Variants in METTL13 observed in about 807,000 individuals in gnomAD.
The protein encoded by METTL13 is methyltransferase 13, eEF1A N-terminus and K55.
METTL13 carries 52 observed loss-of-function variants against 67.4 expected under a neutral mutation model. The ratio of observed to expected loss-of-function variants is 0.77; its 90% CI spans 0.62 to 0.97. The LOEUF (loss-of-function observed/expected upper bound fraction) is 0.97. Among genes scored for constraint, METTL13 ranks in the 50% least tolerant of loss-of-function variants. The pLI, the probability that METTL13 is intolerant of heterozygous loss-of-function variation, is 0.00. For synonymous variants in METTL13, 354 were observed against 353.6 expected, an observed-to-expected ratio of 1.00 and a Z score of -0.01; for missense variants, 825 against 889.6, an observed-to-expected ratio of 0.93 and a Z score of 0.92.
At position 171,796,476 on chromosome 1, in the gene METTL13, C is replaced by T; in HGVS notation, c.1826-6C>T. ...GGTCATTCTGACTTTTCTTCCTACC[C>T]TATAGGTGTTTTTATTCTCAACCTT... On this transcript the variant is annotated splice_region_variant and splice_polypyrimidine_tract_variant and intron_variant, in intron 7 of 7. Coordinates refer to ENST00000361735, the MANE Select transcript of METTL13 (RefSeq NM_015935.5). 1 of 1,614,070 alleles carries T rather than the reference C, an allele frequency of 6.2e-7. No individual in the cohort carries two copies. Among genetic ancestry groups the T allele is most frequent in the Non-Finnish European group, 8.5e-7 (1 of 1,179,980 alleles).
intron 5 of METTL13, among the ~76,000 whole-genome samples, chr1:171,791,696 T>C (rs1296129958): frequency 6.6e-6 from 1 of 152,086 alleles, no homozygotes; most frequent in East Asian, 1.9e-4. Context: ...ACTCCTGAGC[T>C]CAAGTAATCT....
At chr1:171,787,096 C>G (rs768927095) in intron 3 of METTL13, among the ~76,000 whole-genome samples, 6 of 152,092 alleles carry the variant, frequency 3.9e-5, no homozygotes, top group Non-Finnish European at 8.8e-5. Context: ...CCCAGATCCT[C>G]TGAGGAGCTT....
rs750837677 is a variant in METTL13, at chr1:171,784,406, G to T, written c.820G>T (p.Asp274Tyr). The part of the protein sequence containing the change: ...RLGSVSLDLC[D>Y]GDTGEPRYTL... ...GGGGAGTGTGTCTCTGGACTTGTGC[G>T]ATGGGGACACGGGGGAGCCACGCTA... is the stretch of plus-strand genomic sequence containing the variant. The change falls in exon 2 of 8, where the codon GAT becomes TAT. Residue 274 changes from aspartate to tyrosine, a missense_variant. Coordinates refer to ENST00000361735, the MANE Select transcript of METTL13 (RefSeq NM_015935.5). 6.3e-5 allele frequency: 98 copies of T among 1,554,234 alleles called. No homozygotes were observed. The highest frequency in any genetic ancestry group is 7.9e-5 in the Non-Finnish European group (91 of 1,151,290).
In METTL13 at chr1:171,792,136, G is replaced by GTGGTT; in HGVS notation, c.1597_1598insTTTGG (p.Ala533ValfsTer15). 6.2e-7 allele frequency: 1 copy of GTGGTT among 1,614,104 alleles called. No homozygotes were observed. The highest frequency in any genetic ancestry group is 1.1e-5 in the South Asian group (1 of 91,074). On this transcript the variant is annotated frameshift_variant, in exon 6 of 8. Transcript: ENST00000361735. LOFTEE classifies it high-confidence loss of function. The stretch of plus-strand genomic sequence containing the variant: ...GGAGATCGATCCCTCCATGTTGGAA[G>GTGGTT]TGGCCACCCAGTGGTTTGGCTTCTC...
At position 171,796,905 on chromosome 1, in the gene METTL13, T is replaced by A; in HGVS notation, c.*149T>A. ...ACATGTGACCTCCAGCTTGGTGAGG[T>A]TGCCTGAAGATTAGGGAAAATAAAA... On this transcript the variant is annotated 3_prime_UTR_variant, in exon 8 of 8. Coordinates refer to ENST00000361735, the MANE Select transcript of METTL13 (RefSeq NM_015935.5). The A allele has an allele frequency of 2.0e-6, 2 of 1,024,916 alleles. No homozygotes were observed. Among genetic ancestry groups the A allele is most frequent in the Non-Finnish European group, 2.8e-6 (2 of 717,726 alleles). 63.5% of individuals were successfully genotyped at this position (1,024,916 alleles called of 1,614,324 possible).
In METTL13 at chr1:171,792,000, C is replaced by G. The variant is rs1463011414; in HGVS notation, c.1475-17C>G. 6.2e-7 allele frequency: 1 copy of G among 1,611,862 alleles called. No individual in the cohort carries two copies. Among genetic ancestry groups the G allele is most frequent in the African/African-American group, 1.3e-5 (1 of 74,852 alleles). On this transcript the variant is annotated splice_polypyrimidine_tract_variant and intron_variant, in intron 5 of 7. Coordinates refer to ENST00000361735, the MANE Select transcript of METTL13 (RefSeq NM_015935.5). ...AGTGAACAGGTGGCAATGTGATGCT[C>G]TATTCTTTTCTTACAGAGATCCCAC...
Position 171,784,405 on chromosome 1 carries a change from C to A in METTL13, c.819C>A (p.Cys273Ter). ...TGGGGAGTGTGTCTCTGGACTTGTG[C>A]GATGGGGACACGGGGGAGCCACGCT... ...ARLGSVSLDL[C>*]DGDTGEPRYT... Residue 273 changes from cysteine (C) to a stop codon, truncating the protein, a stop_gained, in exon 2 of 8, where the codon TGC becomes TGA. Coordinates refer to ENST00000361735, the MANE Select transcript of METTL13 (RefSeq NM_015935.5). LOFTEE classifies it high-confidence loss of function. 6.4e-7 allele frequency: 1 copy of A among 1,554,032 alleles called. No individual in the cohort carries two copies. The highest frequency in any genetic ancestry group is 1.9e-5 in the Admixed American group (1 of 52,268).
At chr1:171,789,849 A>AGGG (rs369251334) in intron 4 of METTL13, among the ~76,000 whole-genome samples, 25 of 108,668 alleles carry the variant, frequency 2.3e-4, no homozygotes, top group South Asian at 2.9e-4. Context: ...GGGGCGGGGT[A>AGGG]GGGGGGGCAC....
chr1:171,782,958 G>A (rs573618498), intron 1 of METTL13, among the ~76,000 whole-genome samples: 1 of 152,122 alleles, frequency 6.6e-6, no homozygotes, highest in Non-Finnish European at 1.5e-5. Context: ...CTTATGTTGG[G>A]TGCTGTGTAT....
chr1:171,793,128 C>G (rs1657261444), intron 6 of METTL13, among the ~76,000 whole-genome samples: 1 of 152,194 alleles, frequency 6.6e-6, no homozygotes. Flanking sequence ...CATTCCATAA[C>G]AGATACTCTG....
At position 171,782,087 on chromosome 1, in the gene METTL13, G is replaced by C. The variant is rs144116274; in HGVS notation, c.120G>C (p.Gly40=). ...ATGGAACCTACCTGGAACTGTGCGGGGTGCTACATAAATATATCAAGCCCA... is the reference window on the plus strand; with the variant it reads ...ATGGAACCTACCTGGAACTGTGCGGCGTGCTACATAAATATATCAAGCCCA... ...EWYGTYLELC[G]VLHKYIKPRE... The change falls in exon 1 of 8, where the codon GGG becomes GGC. Residue 40 remains glycine, a synonymous_variant. Transcript: ENST00000361735. 6.7e-5 allele frequency: 108 copies of C among 1,614,080 alleles called. No individual in the cohort carries two copies. The Middle Eastern group carries it at 2.1e-3, about 32-fold the overall frequency.
rs732305 is a variant in METTL13, at chr1:171,785,659, G to A, written c.914-220G>A. Among the ~76,000 whole-genome samples the A allele has an allele frequency of 0.49, 74,362 of 152,002 alleles. 18,531 individuals are homozygous for A. Among genetic ancestry groups the A allele is most frequent in the East Asian group, 0.64 (3,302 of 5,170 alleles). ...GTAGGTGTCTGCCTCCTTCCCCTAC[G>A]GACATGCCCACACTTCTTCTCCACC... is the stretch of plus-strand genomic sequence containing the variant. On this transcript the variant is annotated intron_variant, in intron 2 of 7. Coordinates refer to ENST00000361735, the MANE Select transcript of METTL13 (RefSeq NM_015935.5).
chr1:171,786,116 A>T, intron 3 of METTL13, 38 bp downstream of exon 3: 1 of 1,579,818 alleles, frequency 6.3e-7, no homozygotes, highest in Non-Finnish European at 8.6e-7. Flanking sequence ...GGGTCTCTGA[A>T]GTCATGTTAG....
chr1:171,787,602 G>A, intron 3 of METTL13, 133 bp from the exon 4 acceptor site: 1 of 755,942 alleles, frequency 1.3e-6, no homozygotes, highest in Non-Finnish European at 2.1e-6. Flanking sequence ...TTAATAGAAT[G>A]GCAAATCTGT....
At chr1:171,790,268 G>A (rs936146059) in intron 4 of METTL13, among the ~76,000 whole-genome samples, 184 bp from the exon 5 acceptor site, 1 of 152,152 alleles carries the variant, frequency 6.6e-6, no homozygotes, top group Non-Finnish European at 1.5e-5. Flanking sequence ...ATTTGTAGGG[G>A]ACAAACATCC....
intron 6 of METTL13, 61 bp downstream of exon 6, chr1:171,792,296 C>T: frequency 1.3e-6 from 2 of 1,579,798 alleles, no homozygotes; most frequent in South Asian, 2.2e-5. Flanking sequence ...ATTGTCAGGC[C>T]CGCAAGGGCC....
chr1:171,787,336 A>T lies in METTL13; in HGVS notation c.1114-399A>T, dbSNP rs556549634. On this transcript the variant is annotated intron_variant, in intron 3 of 7. Coordinates refer to ENST00000361735, the MANE Select transcript of METTL13 (RefSeq NM_015935.5). ...TAGATTTGGAGTGGTTGTTTCTCCCATGGATTTTGTTATCTTTATTCTTGT... is the reference window on the plus strand; with the variant it reads ...TAGATTTGGAGTGGTTGTTTCTCCCTTGGATTTTGTTATCTTTATTCTTGT... 3.3e-5 allele frequency among the ~76,000 whole-genome samples: 5 copies of T among 152,266 alleles called. No individual in the cohort carries two copies. In the South Asian group the frequency reaches 1.0e-3, roughly 32 times the overall value.
chr1:171,797,589 T>C lies in METTL13; in HGVS notation c.*833T>C, dbSNP rs1432295204. ...CAGGCATTCTTCTAAGTGGTTTACA[T>C]GCACTGTCTCATTTAATCTGAGATA... On this transcript the variant is annotated 3_prime_UTR_variant, in exon 8 of 8. Transcript: ENST00000361735. 2 of 152,244 alleles carry C rather than the reference T, an allele frequency of 1.3e-5. No individual in the cohort carries two copies. Among genetic ancestry groups the C allele is most frequent in the African/African-American group, 2.4e-5 (1 of 41,472 alleles). 9.4% of individuals were successfully genotyped at this position (152,244 alleles called of 1,614,324 possible). A position where few individuals can be genotyped will look rare whatever the true frequency, so the allele number is the denominator to read the frequency against.
intron 1 of METTL13, among the ~76,000 whole-genome samples, 196 bp from the exon 2 acceptor site, chr1:171,783,544 T>C (rs1195536129): frequency 6.6e-6 from 1 of 152,198 alleles, no homozygotes; most frequent in East Asian, 1.9e-4. Context: ...CTGAATGTGG[T>C]TTTCACTAGC....
Sources: allele counts gnomAD v4.1 joint callset (sites outside exome capture counted in the v4.1 genomes callset), GRCh38; gene constraint gnomAD v4.1.1; transcripts MANE v1.5; gene names NCBI Gene and HGNC (gene_info 2026-07-23, HGNC 2026-07-21).